The following COLEC12 variants were observed in gnomAD, a reference collection of about 807,000 sequenced individuals.
COLEC12 encodes the protein collectin subfamily member 12.
COLEC12 carries 33 observed loss-of-function variants against 71.1 expected under a neutral mutation model. The observed-to-expected ratio is 0.46, with a 90% confidence interval of 0.35 to 0.62. COLEC12 has a LOEUF of 0.62. COLEC12 is among the 20% of genes least tolerant of loss of function. COLEC12 has a pLI of 0.00. For missense variants in COLEC12, 765 were observed against 916.1 expected (o/e 0.84, Z 2.13); for synonymous variants, 350 against 353.0 (o/e 0.99, Z 0.10).
At chr18:405,518 C>T (rs951371418) in intron 2 of COLEC12, among the ~76,000 whole-genome samples, 1 of 152,116 alleles carries the variant, frequency 6.6e-6, no homozygotes, top group Admixed American at 6.5e-5. Context: ...TTTGTACTGT[C>T]TCTCTTTATT....
At chr18:453,216 T>G (rs1223619128) in intron 2 of COLEC12, among the ~76,000 whole-genome samples, 1 of 152,202 alleles carries the variant, frequency 6.6e-6, no homozygotes, top group Non-Finnish European at 1.5e-5. Context: ...ACTGGCTTGT[T>G]CTGGAGATCA....
rs773382351 is a variant in COLEC12 at position 357,525 on chromosome 18, G to GT, written c.59-4dup. 7.2e-6 allele frequency: 11 copies of GT among 1,518,950 alleles called. No homozygotes were observed. In the Admixed American group the frequency reaches 2.5e-4, roughly 34 times the overall value. The allele number at this position is 1,518,950 out of a possible 1,614,324, so 94.1% of individuals were successfully genotyped here. On this transcript the variant is annotated splice_polypyrimidine_tract_variant and splice_region_variant and intron_variant, in intron 2 of 9. Coordinates refer to ENST00000400256, the MANE Select transcript of COLEC12 (RefSeq NM_130386.3). ...ACATTGTGTTCCTTCCTGAATACCT[G>GT]TAAGAGAAGTCAAATTTTAATAACA...
chr18:333,311 C>G (rs1349383936), intron 6 of COLEC12, 168 bp from the exon 7 acceptor site: 4 of 572,510 alleles, frequency 7.0e-6, no homozygotes, highest in East Asian at 3.0e-5. Context: ...GCAAGCATGA[C>G]CCAAAGTGGA....
Position 346,219 on chromosome 18 carries a change from A to G in COLEC12, c.1327+76T>C. The stretch of plus-strand genomic sequence containing the variant: ...AGATGATGAATATTTATTGTTTTAA[A>G]TTGCCAAGTTTTAGAGTAACTTGTT... On this transcript the variant is annotated intron_variant, in intron 5 of 9. Transcript: ENST00000400256. The surrounding 1 kb of genome is among the most constrained non-coding windows in gnomAD (Gnocchi z 4.0). 1 of 1,141,672 alleles carries G rather than the reference A, an allele frequency of 8.8e-7. No individual in the cohort carries two copies. The highest frequency in any genetic ancestry group is 1.2e-6 in the Non-Finnish European group (1 of 802,416). 70.7% of individuals were successfully genotyped at this position (1,141,672 alleles called of 1,614,324 possible). A position where few individuals can be genotyped will look rare whatever the true frequency, so the allele number is the denominator to read the frequency against.
At chr18:384,892 TAAG>T (rs1435907525) in intron 2 of COLEC12, among the ~76,000 whole-genome samples, 1 of 152,238 alleles carries the variant, frequency 6.6e-6, no homozygotes, top group Non-Finnish European at 1.5e-5. Context: ...GGAATAAGCC[TAAG>T]AAGACTGAAA....
intron 5 of COLEC12, among the ~76,000 whole-genome samples, chr18:336,114 C>A (rs1264368842): frequency 2.6e-5 from 4 of 152,194 alleles, no homozygotes; most frequent in Admixed American, 2.6e-4. Flanking sequence ...TGTATTAATT[C>A]TCTCCCCATA....
At chr18:391,941 G>A (rs746695534) in intron 2 of COLEC12, among the ~76,000 whole-genome samples, 7 of 152,090 alleles carry the variant, frequency 4.6e-5, no homozygotes, top group Admixed American at 1.3e-4. Context: ...AAATAATCTC[G>A]CATTCTGCTG....
intron 2 of COLEC12, among the ~76,000 whole-genome samples, chr18:432,735 G>A (rs1245600288): frequency 8.0e-6 from 1 of 125,250 alleles, no homozygotes; most frequent in Non-Finnish European, 1.8e-5. Context: ...CTGATATACT[G>A]TCTATCTGAT....
intron 2 of COLEC12, among the ~76,000 whole-genome samples, chr18:414,827 T>G (rs867052113): frequency 6.6e-5 from 10 of 152,302 alleles, no homozygotes; most frequent in African/African-American, 1.9e-4. Flanking sequence ...AGCAAACAGG[T>G]GCTGCTTCTC....
chr18:420,070 C>T (rs1361808266), intron 2 of COLEC12, among the ~76,000 whole-genome samples: 1 of 152,174 alleles, frequency 6.6e-6, no homozygotes, highest in Non-Finnish European at 1.5e-5. Context: ...ACTCTCATCC[C>T]TGCCTGGCAT....
intron 8 of COLEC12, among the ~76,000 whole-genome samples, chr18:326,844 A>G (rs1210132577): frequency 6.6e-6 from 1 of 152,178 alleles, no homozygotes; most frequent in South Asian, 2.1e-4. Flanking sequence ...TCCATCAGTA[A>G]TTGAGAGGGG....
chr18:366,820 T>C (rs929995125), intron 2 of COLEC12, among the ~76,000 whole-genome samples: 1 of 152,190 alleles, frequency 6.6e-6, no homozygotes, highest in Non-Finnish European at 1.5e-5. Context: ...CTGATCTCAC[T>C]GTCCTGTGGG....
Position 457,554 on chromosome 18 carries a change from C to T in COLEC12, c.58+23153G>A, listed in dbSNP as rs78584823. Among the ~76,000 whole-genome samples the T allele has an allele frequency of 7.1e-3, 1,075 of 152,220 alleles. 8 individuals carry two copies. Among genetic ancestry groups the T allele is most frequent in the Non-Finnish European group, 0.011 (778 of 68,012 alleles). On this transcript the variant is annotated intron_variant, in intron 2 of 9. Transcript: ENST00000400256. ...TTGATTAGAGCTTCCCCCATCTCTG[C>T]GAAAAGAGGACACAACTGTTAAAAT...
chr18:331,267 A>G (rs1188664388), intron 8 of COLEC12, among the ~76,000 whole-genome samples: 1 of 152,148 alleles, frequency 6.6e-6, no homozygotes, highest in Non-Finnish European at 1.5e-5. Flanking sequence ...CCACAGTGTG[A>G]TCCTGAAGGG....
At chr18:481,068 C>A (rs553773979) in intron 1 of COLEC12, among the ~76,000 whole-genome samples, 11 of 152,344 alleles carry the variant, frequency 7.2e-5, no homozygotes, top group African/African-American at 2.6e-4. Context: ...CAATGTTTCT[C>A]TCTGATATCT....
intron 2 of COLEC12, among the ~76,000 whole-genome samples, chr18:382,434 C>A (rs553198882): frequency 6.0e-4 from 91 of 152,272 alleles, no homozygotes; most frequent in African/African-American, 2.1e-3. Flanking sequence ...CATCTCATCA[C>A]AACAGAGTAG....
At chr18:455,691 C>T (rs1916857050) in intron 2 of COLEC12, among the ~76,000 whole-genome samples, 2 of 151,880 alleles carry the variant, frequency 1.3e-5, no homozygotes, top group South Asian at 2.1e-4. Context: ...CATTCCCCTC[C>T]CTGTGTCCAT....
intron 2 of COLEC12, among the ~76,000 whole-genome samples, chr18:473,848 A>C (rs1265946567): frequency 1.3e-5 from 2 of 152,132 alleles, no homozygotes; most frequent in Non-Finnish European, 2.9e-5. Context: ...TAACTTTTCC[A>C]AAAATAAAAA....
chr18:469,384 AATCTATTTTTT>A (rs1917150022), intron 2 of COLEC12, among the ~76,000 whole-genome samples: 1 of 152,194 alleles, frequency 6.6e-6, no homozygotes, highest in Non-Finnish European at 1.5e-5. Context: ...CTGTTTGAAA[AATCTATTTTTT>A]ATTACATGTG....
Sources: allele counts gnomAD v4.1 joint callset (sites outside exome capture counted in the v4.1 genomes callset), GRCh38; gene constraint gnomAD v4.1.1; non-coding constraint Gnocchi (gnomAD v3.1); transcripts MANE v1.5; gene names NCBI Gene and HGNC (gene_info 2026-07-23, HGNC 2026-07-21).